The following ACACB variants were observed in gnomAD, a reference collection of about 807,000 sequenced individuals.
ACACB encodes the protein acetyl-CoA carboxylase beta.
Under a neutral mutation model 278.8 loss-of-function variants are expected in ACACB, and 209 were observed. That is an observed-to-expected ratio of 0.75 (90% confidence interval 0.67 to 0.84). The LOEUF (loss-of-function observed/expected upper bound fraction) is 0.84. Ranked by LOEUF, ACACB falls within the 40% of genes least tolerant of loss-of-function variation. The probability of loss-of-function intolerance (pLI) is 0.00; values close to 1 mark genes in which losing one functional copy is unlikely to be tolerated. For synonymous variants in ACACB, 1,174 were observed against 1,285.6 expected, an observed-to-expected ratio of 0.91 and a Z score of 1.86; for missense variants, 2,850 against 3,269.0, an observed-to-expected ratio of 0.87 and a Z score of 3.13.
intron 27 of ACACB, 132 bp from the exon 28 acceptor site, chr12:109,227,239 T>G (rs1295691990): frequency 1.0e-5 from 8 of 803,104 alleles, no homozygotes; most frequent in Admixed American, 2.5e-5. Context: ...CCTGAGCCAC[T>G]GCACCCGGCC....
chr12:109,245,867 T>A (rs982260241), intron 38 of ACACB, 119 bp downstream of exon 38: 1 of 1,278,654 alleles, frequency 7.8e-7, no homozygotes. Context: ...GGTGGGTGGA[T>A]CACTTGAGGT....
At chr12:109,174,101 T>C in intron 6 of ACACB, 31 bp from the exon 7 acceptor site, 1 of 1,582,152 alleles carries the variant, frequency 6.3e-7, no homozygotes, top group Non-Finnish European at 8.6e-7. Context: ...CTGACCGGAT[T>C]CTGCTTCCCT....
In ACACB at chr12:109,209,982, CGT is replaced by C. The variant is rs1167077446; in HGVS notation, c.3249+636_3249+637del. On this transcript the variant is annotated intron_variant, in intron 21 of 52. Transcript: ENST00000338432. ...ATATGTGTATACACACATACACACA[CGT>C]GTGTGTATATATGTGTATATGTGTA... Among the ~76,000 whole-genome samples, 16 of 74,718 alleles carry C rather than the reference CGT, an allele frequency of 2.1e-4. 3 individuals carry two copies. Among genetic ancestry groups the C allele is most frequent in the South Asian group, 1.5e-3 (4 of 2,732 alleles). The allele number at this position is 74,718 out of a possible 152,430, so 49.0% of individuals were successfully genotyped here. A position where few individuals can be genotyped will look rare whatever the true frequency, so the allele number is the denominator to read the frequency against.
chr12:109,153,033 C>G (rs1265659236), intron 2 of ACACB, among the ~76,000 whole-genome samples: 2 of 152,080 alleles, frequency 1.3e-5, no homozygotes, highest in African/African-American at 4.8e-5. Flanking sequence ...GTTGCCCAGG[C>G]TGGAATGCAG....
At chr12:109,148,717 T>C (rs1478142500) in intron 2 of ACACB, among the ~76,000 whole-genome samples, 1 of 152,168 alleles carries the variant, frequency 6.6e-6, no homozygotes, top group Admixed American at 6.6e-5. Context: ...ATGGACTATA[T>C]ATAACATGCT....
At chr12:109,239,794 C>G (rs1262564019) in intron 34 of ACACB, 36 bp from the exon 35 acceptor site, 27 of 1,576,982 alleles carry the variant, frequency 1.7e-5, no homozygotes, top group Non-Finnish European at 2.2e-5. Context: ...GCCTGCACCC[C>G]TGGCCTGAGC....
At position 109,160,926 on chromosome 12, in the gene ACACB, G is replaced by T. The variant is rs141321014; in HGVS notation, c.654-5935G>T. ...TAGGCCACAAATGAAGTTTTTCTTT[G>T]TTGTGCTTTAGGTCAAATTGCTAGA... On this transcript the variant is annotated intron_variant, in intron 2 of 52. Transcript: ENST00000338432. Among the ~76,000 whole-genome samples the T allele has an allele frequency of 2.0e-5, 3 of 152,276 alleles. No individual in the cohort carries two copies. The East Asian group carries it at 5.8e-4, about 29-fold the overall frequency.
In ACACB at chr12:109,197,085, T is replaced by A; in HGVS notation, c.2559T>A (p.Asn853Lys). ...CHIEIDAHRL[N>K]DGGLLLSYNG... ...TCGAGATTGATGCCCACCGGCTGAATGATGGGGGGCTCCTGCTCTCCTACA... is the reference window on the plus strand; with the variant it reads ...TCGAGATTGATGCCCACCGGCTGAAAGATGGGGGGCTCCTGCTCTCCTACA... Residue 853 changes from asparagine (N) to lysine (K), a missense_variant, in exon 17 of 53, where the codon AAT becomes AAA. Physicochemically the swap from Asn to Lys is moderately conservative, Grantham distance 94 (BLOSUM62 0). Around this residue, in one of 3 missense-constraint regions of ACACB, gnomAD observed 2,265 missense variants for 2,561.3 expected, o/e 0.88. Coordinates refer to ENST00000338432, the MANE Select transcript of ACACB (RefSeq NM_001093.4). 6.3e-7 allele frequency: 1 copy of A among 1,598,894 alleles called. No individual in the cohort carries two copies. The highest frequency in any genetic ancestry group is 8.5e-7 in the Non-Finnish European group (1 of 1,174,414).
intron 19 of ACACB, among the ~76,000 whole-genome samples, chr12:109,203,272 T>G (rs1359185226): frequency 1.3e-5 from 2 of 152,238 alleles, no homozygotes; most frequent in African/African-American, 2.4e-5. Context: ...TGATGGACAC[T>G]TGGATTGTTT....
intron 48 of ACACB, among the ~76,000 whole-genome samples, chr12:109,260,899 G>A (rs1013807039): frequency 6.6e-6 from 1 of 152,164 alleles, no homozygotes; most frequent in Non-Finnish European, 1.5e-5. Context: ...GAAATATGAT[G>A]AGCCATTTAT....
At chr12:109,264,171 C>A in intron 49 of ACACB, 61 bp from the exon 50 acceptor site, 2 of 1,514,938 alleles carry the variant, frequency 1.3e-6, no homozygotes, top group South Asian at 1.2e-5. Flanking sequence ...AAAAAAAAAT[C>A]TCCACCCCAT....
chr12:109,167,896 G>C lies in ACACB; in HGVS notation c.787G>C (p.Val263Leu), dbSNP rs754475585. 6.2e-7 allele frequency: 1 copy of C among 1,613,876 alleles called. No individual in the cohort carries two copies. Among genetic ancestry groups the C allele is most frequent in the South Asian group, 1.1e-5 (1 of 91,064 alleles). ...RFGGDRVIEK[V>L]LIANNGIAAV... ...GCTCCTTCCTTGTCTTCCCATGCAG[G>C]TGCTTATTGCCAACAACGGGATTGC... Residue 263 changes from valine (V) to leucine (L), a missense_variant and splice_region_variant, in exon 4 of 53, where the codon GTG becomes CTG. Transcript: ENST00000338432.
rs199792562 is a variant in ACACB at position 109,199,420 on chromosome 12, C to T, written c.2646C>T (p.Gly882=). 5.9e-6 allele frequency: 9 copies of T among 1,520,540 alleles called. 1 individual carries two copies. In the East Asian group the frequency reaches 2.3e-4, roughly 38 times the overall value. The allele number at this position is 1,520,540 out of a possible 1,614,324, so 94.2% of individuals were successfully genotyped here. A position where few individuals can be genotyped will look rare whatever the true frequency, so the allele number is the denominator to read the frequency against. ...CTCCCAGTTACCGAATTACCATCGG[C>T]AATAAGACGTGTGTGTTTGAGAAGG... ...EEVDSYRITI[G]NKTCVFEKEN... The change falls in exon 18 of 53, where the codon GGC becomes GGT. Residue 882 remains glycine (G), a synonymous_variant. Transcript: ENST00000338432.
rs1325146066 is a variant in ACACB, at chr12:109,267,077, C to T, written c.*715C>T. The stretch of plus-strand genomic sequence containing the variant: ...TGTATTTTTGGTAGAGACAGAGTTT[C>T]ACCAGGTTGGTCAGGCTGGTCTCAA... On this transcript the variant is annotated 3_prime_UTR_variant, in exon 53 of 53. Coordinates refer to ENST00000338432, the MANE Select transcript of ACACB (RefSeq NM_001093.4). 1 of 151,812 alleles carries T rather than the reference C, an allele frequency of 6.6e-6. No homozygotes were observed. Among genetic ancestry groups the T allele is most frequent in the Non-Finnish European group, 1.5e-5 (1 of 67,982 alleles). The allele number at this position is 151,812 out of a possible 1,614,324, so 9.4% of individuals were successfully genotyped here.
intron 45 of ACACB, 61 bp downstream of exon 45, chr12:109,256,297 G>T: frequency 7.1e-7 from 1 of 1,411,572 alleles, no homozygotes; most frequent in South Asian, 1.2e-5. Flanking sequence ...GGGGCCCCGA[G>T]GTGTGAGGCC....
intron 29 of ACACB, 86 bp downstream of exon 29, chr12:109,232,892 A>G: frequency 1.3e-6 from 2 of 1,531,658 alleles, no homozygotes; most frequent in Admixed American, 3.5e-5. Flanking sequence ...CACTGGACAG[A>G]TGGGGTGGGA....
chr12:109,238,322 G>A (rs989630951), intron 34 of ACACB, among the ~76,000 whole-genome samples: 1 of 144,132 alleles, frequency 6.9e-6, no homozygotes, highest in African/African-American at 2.5e-5. Context: ...TTATTTCCTT[G>A]CATGGATGTA....
At chr12:109,209,706 G>A (rs1593568898) in intron 21 of ACACB, among the ~76,000 whole-genome samples, 1 of 151,164 alleles carries the variant, frequency 6.6e-6, no homozygotes, top group Non-Finnish European at 1.5e-5. Flanking sequence ...TTTTTTCACT[G>A]GTTTGCAGCT....
intron 51 of ACACB, 39 bp downstream of exon 51, chr12:109,265,319 G>A: frequency 6.2e-7 from 1 of 1,611,116 alleles, no homozygotes; most frequent in Non-Finnish European, 8.5e-7. Flanking sequence ...GAGCACAGGG[G>A]GTGCTGGGGG....
Sources: allele counts gnomAD v4.1 joint callset (sites outside exome capture counted in the v4.1 genomes callset), GRCh38; gene constraint gnomAD v4.1.1; regional missense constraint gnomAD v4.1.1; transcripts MANE v1.5; gene names NCBI Gene and HGNC (gene_info 2026-07-23, HGNC 2026-07-21).